NINJ1: variants seen among roughly 807,000 people sequenced by gnomAD.
NINJ1 encodes ninjurin-1.
In NINJ1, 6 loss-of-function variants were observed where a neutral mutation model predicts 12.7. That is an observed-to-expected ratio of 0.47 (90% CI 0.26 to 0.93). NINJ1 has a LOEUF of 0.93. Among genes scored for constraint, NINJ1 ranks in the 40% least tolerant of loss-of-function variants. The probability of loss-of-function intolerance (pLI) is 0.15; values close to 1 mark genes in which losing one functional copy is unlikely to be tolerated. For synonymous variants in NINJ1, 100 were observed against 96.0 expected, an observed-to-expected ratio of 1.04 and a Z score of -0.25; for missense variants, 170 against 213.0, an observed-to-expected ratio of 0.80 and a Z score of 1.26.
At position 93,122,121 on chromosome 9, in the gene NINJ1, T is replaced by A. The variant is rs1456733895; in HGVS notation, c.*119A>T. 6.6e-6 allele frequency: 1 copy of A among 152,560 alleles called. No homozygotes were observed. The highest frequency in any genetic ancestry group is 2.1e-4 in the South Asian group (1 of 4,852). 9.5% of individuals were successfully genotyped at this position (152,560 alleles called of 1,614,324 possible). On this transcript the variant is annotated 3_prime_UTR_variant, in exon 4 of 4. Transcript: ENST00000375446. ...GGACATGGTGCAGATGAGGCCAGCC[T>A]GGGCTCTGGCAGTCTGGGTAGTGCC...
intron 2 of NINJ1, chr9:93,125,323 T>C: frequency 3.1e-6 from 1 of 319,260 alleles, no homozygotes; most frequent in South Asian, 5.9e-5. Flanking sequence ...CTTATACGAA[T>C]TGAAGCTATG....
At chr9:93,126,307 T>C (rs1587664164) in intron 2 of NINJ1, 103 bp downstream of exon 2, 2 of 1,004,140 alleles carry the variant, frequency 2.0e-6, no homozygotes, top group East Asian at 5.2e-5. Context: ...CGGCAGCTCC[T>C]TGAGAGCCAA....
At chr9:93,130,555 T>C (rs1348496386) in intron 1 of NINJ1, among the ~76,000 whole-genome samples, 1 of 152,194 alleles carries the variant, frequency 6.6e-6, no homozygotes, top group Admixed American at 6.5e-5. Flanking sequence ...GCACCTCCTT[T>C]ACCCCCCGAG....
chr9:93,132,646 G>A (rs1469627934), intron 1 of NINJ1, among the ~76,000 whole-genome samples: 1 of 152,222 alleles, frequency 6.6e-6, no homozygotes, highest in Non-Finnish European at 1.5e-5. Flanking sequence ...TGCCCTGTCT[G>A]GGCTGGGCTG....
intron 1 of NINJ1, among the ~76,000 whole-genome samples, chr9:93,127,683 G>A (rs963183099): frequency 3.9e-5 from 6 of 152,198 alleles, no homozygotes; most frequent in Admixed American, 6.5e-5. Flanking sequence ...CCTTGGCCCG[G>A]CCCTTTGTCC....
intron 1 of NINJ1, among the ~76,000 whole-genome samples, chr9:93,133,502 C>T (rs1490217217): frequency 6.6e-6 from 1 of 152,252 alleles, no homozygotes; most frequent in Middle Eastern, 3.2e-3. Flanking sequence ...TGCCCCCTGC[C>T]CACAGCCCTC....
chr9:93,126,661 C>A, intron 1 of NINJ1, 23 bp from the exon 2 acceptor site: 12 of 1,461,808 alleles, frequency 8.2e-6, no homozygotes, highest in Admixed American at 1.8e-5. Flanking sequence ...GAATGGTCAG[C>A]AAGGCGGGTG....
At chr9:93,127,099 C>T (rs779976172) in intron 1 of NINJ1, among the ~76,000 whole-genome samples, 8 of 152,136 alleles carry the variant, frequency 5.3e-5, no homozygotes, top group South Asian at 2.1e-4. Flanking sequence ...CCTCCTGGGC[C>T]GGACCTAAGG....
At chr9:93,133,894 T>C (rs1191337839) in intron 1 of NINJ1, among the ~76,000 whole-genome samples, 1 of 152,046 alleles carries the variant, frequency 6.6e-6, no homozygotes, top group Non-Finnish European at 1.5e-5. Context: ...GGGCGCTGCT[T>C]AGTGGGGCTG....
At chr9:93,130,666 C>T (rs1423324342) in intron 1 of NINJ1, among the ~76,000 whole-genome samples, 2 of 152,292 alleles carry the variant, frequency 1.3e-5, no homozygotes, top group Admixed American at 6.5e-5. Context: ...TCAGATGCCC[C>T]GTGGCTGGTG....
intron 1 of NINJ1, among the ~76,000 whole-genome samples, chr9:93,126,903 T>C (rs1431735202): frequency 6.6e-6 from 1 of 152,156 alleles, no homozygotes; most frequent in Non-Finnish European, 1.5e-5. Context: ...GATTTTCCAC[T>C]GGAAAGCATT....
chr9:93,125,157 C>T, intron 2 of NINJ1, 95 bp from the exon 3 acceptor site: 1 of 1,291,456 alleles, frequency 7.7e-7, no homozygotes, highest in Non-Finnish European at 1.1e-6. Flanking sequence ...AGCGGTCAAG[C>T]TGTCCTGGGA....
intron 1 of NINJ1, among the ~76,000 whole-genome samples, chr9:93,131,299 C>T (rs1355198659): frequency 1.1e-4 from 17 of 152,238 alleles, no homozygotes; most frequent in Admixed American, 5.9e-4. Context: ...CCACTTCCCG[C>T]GGACTCAGCA....
At chr9:93,129,180 G>T (rs76848290) in intron 1 of NINJ1, among the ~76,000 whole-genome samples, 2 of 12,828 alleles carry the variant, frequency 1.6e-4, no homozygotes, top group Non-Finnish European at 2.3e-4. Flanking sequence ...CAGCAAAGGC[G>T]GTTCCTTACC....
chr9:93,125,613 GCT>G (rs1827800700), intron 2 of NINJ1: 1 of 153,924 alleles, frequency 6.5e-6, no homozygotes, highest in African/African-American at 2.4e-5. Flanking sequence ...CCCACTCTGT[GCT>G]CTTTCAAAGT....
rs956071326 is a variant in NINJ1, at chr9:93,121,942, A to C, written c.*298T>G. On this transcript the variant is annotated 3_prime_UTR_variant, in exon 4 of 4. Coordinates refer to ENST00000375446, the MANE Select transcript of NINJ1 (RefSeq NM_004148.4). Reference sequence around the variant, plus strand: ...AGTGGGTCGAGACCCTTCTCTGGGCACAGGTCTCTGCAGCTGTCCAGTTCT... The same window carrying C: ...AGTGGGTCGAGACCCTTCTCTGGGCCCAGGTCTCTGCAGCTGTCCAGTTCT... The C allele has an allele frequency of 1.1e-4, 17 of 152,414 alleles. No individual in the cohort carries two copies. The highest frequency in any genetic ancestry group is 3.8e-4 in the African/African-American group (16 of 41,584). 9.4% of individuals were successfully genotyped at this position (152,414 alleles called of 1,614,324 possible).
intron 1 of NINJ1, among the ~76,000 whole-genome samples, chr9:93,132,800 C>T (rs781676049): frequency 2.0e-5 from 3 of 152,234 alleles, no homozygotes; most frequent in Admixed American, 6.5e-5. Flanking sequence ...CCTATCCTGC[C>T]GCCCGCAGAA....
chr9:93,129,507 G>C (rs1194338307), intron 1 of NINJ1, among the ~76,000 whole-genome samples: 1 of 152,198 alleles, frequency 6.6e-6, no homozygotes, highest in Non-Finnish European at 1.5e-5. Context: ...CCTGCAGCTA[G>C]GGAAGCTTCT....
rs779583502 is a variant in NINJ1, at chr9:93,124,904, T to C, written c.*4A>G. On this transcript the variant is annotated 3_prime_UTR_variant, in exon 3 of 4. Transcript: ENST00000375446. Reference sequence around the variant, plus strand: ...CGCCCCATCTCCCAGCTCACCTGGGTGTCCTACTGCTGGGGTGCCATGTCC... The same window carrying C: ...CGCCCCATCTCCCAGCTCACCTGGGCGTCCTACTGCTGGGGTGCCATGTCC... 4 of 1,605,568 alleles carry C rather than the reference T, an allele frequency of 2.5e-6. No homozygotes were observed. The African/African-American group carries it at 5.4e-5, about 21-fold the overall frequency.
Sources: allele counts gnomAD v4.1 joint callset (sites outside exome capture counted in the v4.1 genomes callset), GRCh38; gene constraint gnomAD v4.1.1; transcripts MANE v1.5; gene names NCBI Gene and HGNC (gene_info 2026-07-23, HGNC 2026-07-21).